SDC1: variants seen among roughly 807,000 people sequenced by gnomAD.
SDC1 encodes the protein syndecan 1, also known as syndecan-1.
Under a neutral mutation model 29.7 loss-of-function variants are expected in SDC1, and 14 were observed. The ratio of observed to expected loss-of-function variants is 0.47; its 90% confidence interval spans 0.31 to 0.74. SDC1 has a LOEUF of 0.74. Ranked by LOEUF, SDC1 falls within the 30% of genes least tolerant of loss-of-function variation. The pLI is 0.05. For missense variants in SDC1, 406 were observed against 400.3 expected (o/e 1.01, Z -0.12); for synonymous variants, 204 against 175.5 (o/e 1.16, Z -1.29).
At position 20,203,890 on chromosome 2, in the gene SDC1, C is replaced by T; in HGVS notation, c.550G>A (p.Gly184Ser). Reference sequence around the variant, plus strand: ...GCAGCCCTCTCGGTGGCAGAAGGACCTCCATCCTCTGTGTGGGGAGTGTGA... The same window carrying T: ...GCAGCCCTCTCGGTGGCAGAAGGACTTCCATCCTCTGTGTGGGGAGTGTGA... ...DLHTPHTEDG[G>S]PSATERAAED... The change falls in exon 3 of 5, where the codon GGT (glycine) becomes AGT (serine). Residue 184 changes from glycine to serine, a missense_variant. Transcript: ENST00000254351. 3 of 1,613,056 alleles carry T rather than the reference C, an allele frequency of 1.9e-6. No individual in the cohort carries two copies. Among genetic ancestry groups the T allele is most frequent in the Non-Finnish European group, 2.5e-6 (3 of 1,179,664 alleles).
At chr2:20,217,472 A>T (rs950708126) in intron 1 of SDC1, among the ~76,000 whole-genome samples, 2 of 152,160 alleles carry the variant, frequency 1.3e-5, no homozygotes, top group African/African-American at 2.4e-5. Context: ...CACAGCCACA[A>T]GAGGCCATGC....
chr2:20,202,637 C>T lies in SDC1; in HGVS notation c.*129G>A, dbSNP rs546126029. 92 of 903,524 alleles carry T rather than the reference C, an allele frequency of 1.0e-4. No individual in the cohort carries two copies. The African/African-American group carries it at 1.1e-3, about 11-fold the overall frequency. The allele number at this position is 903,524 out of a possible 1,614,324, so 56.0% of individuals were successfully genotyped here. ...CACCCCACGACTCCGTGGGCAGGAG[C>T]GACCAGAGGGGCTGGAATGCTGGGG... On this transcript the variant is annotated 3_prime_UTR_variant, in exon 5 of 5. Coordinates refer to ENST00000254351, the MANE Select transcript of SDC1 (RefSeq NM_002997.5).
rs1296597375 is a variant in SDC1 at position 20,204,194 on chromosome 2, G to A, written c.246C>T (p.Gly82=). 1.9e-6 allele frequency: 3 copies of A among 1,599,640 alleles called. No homozygotes were observed. The highest frequency in any genetic ancestry group is 2.5e-6 in the Non-Finnish European group (3 of 1,179,812). The change falls in exon 3 of 5, where the codon GGC becomes GGT. Residue 82 remains glycine (G), a synonymous_variant. Transcript: ENST00000254351. The part of the protein sequence containing the change: ...TAIPTSPEPT[G]LEATAASTST... The stretch of plus-strand genomic sequence containing the variant: ...AGGTGGAGGCAGCTGTAGCCTCCAG[G>A]CCGGTGGGTTCTGGAGACGTGGGAA...
intron 1 of SDC1, among the ~76,000 whole-genome samples, chr2:20,221,072 A>G (rs1355472433): frequency 1.3e-5 from 2 of 152,112 alleles, no homozygotes; most frequent in East Asian, 3.9e-4. Context: ...TAAAGGCCTC[A>G]CCTTGGCAGC....
intron 3 of SDC1, 94 bp downstream of exon 3, chr2:20,203,719 C>T (rs550219960): frequency 1.1e-4 from 107 of 941,872 alleles, no homozygotes; most frequent in Non-Finnish European, 1.6e-4. Flanking sequence ...GTGAGGAATA[C>T]GAGATGCCCG....
chr2:20,204,426 C>G, intron 2 of SDC1, 135 bp from the exon 3 acceptor site: 1 of 664,456 alleles, frequency 1.5e-6, no homozygotes, highest in Admixed American at 2.4e-5. Context: ...AGGCTAGTAC[C>G]TGGACAAGGC....
chr2:20,213,288 A>AC (rs1006307341), intron 1 of SDC1, among the ~76,000 whole-genome samples: 1 of 151,886 alleles, frequency 6.6e-6, no homozygotes, highest in Non-Finnish European at 1.5e-5. Flanking sequence ...CCCTGGCAAA[A>AC]CCCGGGCCAG....
intron 1 of SDC1, among the ~76,000 whole-genome samples, chr2:20,216,859 C>T (rs973462094): frequency 2.0e-5 from 3 of 152,228 alleles, no homozygotes; most frequent in African/African-American, 4.8e-5. Context: ...CCAGGCCAGG[C>T]GCCAGAGTTC....
At chr2:20,211,863 G>A (rs1677476758) in intron 1 of SDC1, among the ~76,000 whole-genome samples, 1 of 150,870 alleles carries the variant, frequency 6.6e-6, no homozygotes, top group South Asian at 2.1e-4. Context: ...CCTCTGTGGG[G>A]AGCCCTGTGA....
intron 1 of SDC1, among the ~76,000 whole-genome samples, chr2:20,206,957 G>C (rs1186617399): frequency 6.6e-6 from 1 of 152,352 alleles, no homozygotes; most frequent in East Asian, 1.9e-4. Flanking sequence ...GAGAAGACGG[G>C]GGCAGGAAGA....
In SDC1 at chr2:20,205,381, G is replaced by T; in HGVS notation, c.110C>A (p.Ser37Tyr). 2 of 1,614,132 alleles carry T rather than the reference G, an allele frequency of 1.2e-6. No homozygotes were observed. Among genetic ancestry groups the T allele is most frequent in the African/African-American group, 1.3e-5 (1 of 75,060 alleles). Residue 37 changes from serine to tyrosine, a missense_variant, in exon 2 of 5, where the codon TCT becomes TAT. Ser to Tyr is a moderately radical substitution (Grantham distance 144). Transcript: ENST00000254351. ...TNLPPEDQDG[S>Y]GDDSDNFSGS... is the part of the protein sequence containing the mutation. Reference sequence around the variant, plus strand: ...GGAGAAGTTGTCAGAGTCATCCCCAGAGCCATCTTGATCTTCAGGGGGCAA... The same window carrying T: ...GGAGAAGTTGTCAGAGTCATCCCCATAGCCATCTTGATCTTCAGGGGGCAA...
At position 20,225,032 on chromosome 2, in the gene SDC1, G is replaced by T; in HGVS notation, c.-165C>A. On this transcript the variant is annotated 5_prime_UTR_variant, in exon 1 of 5. Transcript: ENST00000254351. ...CGGCTGGAGTCCGCTCTCTACTGCC[G>T]GATTCCTCTCCGCTCGGCTCGGATT... 1.2e-6 allele frequency: 1 copy of T among 848,998 alleles called. No individual in the cohort carries two copies. The highest frequency in any genetic ancestry group is 1.5e-6 in the Non-Finnish European group (1 of 656,752). The allele number at this position is 848,998 out of a possible 1,614,324, so 52.6% of individuals were successfully genotyped here. A position where few individuals can be genotyped will look rare whatever the true frequency, so the allele number is the denominator to read the frequency against.
chr2:20,202,460 G>A lies in SDC1; in HGVS notation c.*306C>T, dbSNP rs1236210470. Reference sequence around the variant, plus strand: ...TCGGATCCCCCTCCCCTCCAGAGCTGGACCTGGGGAGAGGCTGCTTCAGTT... The same window carrying A: ...TCGGATCCCCCTCCCCTCCAGAGCTAGACCTGGGGAGAGGCTGCTTCAGTT... On this transcript the variant is annotated 3_prime_UTR_variant, in exon 5 of 5. Coordinates refer to ENST00000254351, the MANE Select transcript of SDC1 (RefSeq NM_002997.5). The A allele has an allele frequency of 5.0e-6, 3 of 594,156 alleles. No individual in the cohort carries two copies. Among genetic ancestry groups the A allele is most frequent in the East Asian group, 2.9e-5 (1 of 35,074 alleles). The allele number at this position is 594,156 out of a possible 1,614,324, so 36.8% of individuals were successfully genotyped here.
In SDC1 at chr2:20,202,496, G is replaced by A. The variant is rs1677051688; in HGVS notation, c.*270C>T. 11 of 591,466 alleles carry A rather than the reference G, an allele frequency of 1.9e-5. 1 individual carries two copies. Among genetic ancestry groups the A allele is most frequent in the East Asian group, 1.1e-4 (4 of 35,442 alleles). 36.6% of individuals were successfully genotyped at this position (591,466 alleles called of 1,614,324 possible). A position where few individuals can be genotyped will look rare whatever the true frequency, so the allele number is the denominator to read the frequency against. On this transcript the variant is annotated 3_prime_UTR_variant, in exon 5 of 5. Transcript: ENST00000254351. Reference sequence around the variant, plus strand: ...GAGGCTGCTTCAGTTTGGAGAAACCGAGTCAGAATGGTGCGATGCCAGGTG... The same window carrying A: ...GAGGCTGCTTCAGTTTGGAGAAACCAAGTCAGAATGGTGCGATGCCAGGTG...
At position 20,224,407 on chromosome 2, in the gene SDC1, G is replaced by C. The variant is rs1677924920; in HGVS notation, c.66+395C>G. The C allele has an allele frequency of 6.6e-6, 1 of 152,548 alleles. No individual in the cohort carries two copies. The highest frequency in any genetic ancestry group is 2.1e-4 in the South Asian group (1 of 4,848). 9.4% of individuals were successfully genotyped at this position (152,548 alleles called of 1,614,324 possible). ...CTGGTTTGAATTAGGGTCTGCAGGG[G>C]GGGCGTTGTGGCCGCGGTCACTGCA... On this transcript the variant is annotated intron_variant, in intron 1 of 4. Coordinates refer to ENST00000254351, the MANE Select transcript of SDC1 (RefSeq NM_002997.5). The surrounding 1 kb of genome is among the most constrained non-coding windows in gnomAD (Gnocchi z 4.9).
chr2:20,224,746 G>C lies in SDC1; in HGVS notation c.66+56C>G. ...TCCACGTGCACCCGCCGGCATCCGC[G>C]GGTGACCAGTCCCGGCTTCCCGCCG... On this transcript the variant is annotated intron_variant, in intron 1 of 4. Transcript: ENST00000254351. The surrounding 1 kb of genome is among the most constrained non-coding windows in gnomAD (Gnocchi z 4.9). 1 of 1,273,854 alleles carries C rather than the reference G, an allele frequency of 7.9e-7. No individual in the cohort carries two copies. Among genetic ancestry groups the C allele is most frequent in the Non-Finnish European group, 9.9e-7 (1 of 1,008,716 alleles). The allele number at this position is 1,273,854 out of a possible 1,614,324, so 78.9% of individuals were successfully genotyped here.
At position 20,216,409 on chromosome 2, in the gene SDC1, C is replaced by T. The variant is rs562216190; in HGVS notation, c.66+8393G>A. ...ACCATCACAGCAGCACTGCACCCTG[C>T]GGTTTTCTCTGGGAGAAGCTGGAAT... On this transcript the variant is annotated intron_variant, in intron 1 of 4. Transcript: ENST00000254351. 1.4e-4 allele frequency among the ~76,000 whole-genome samples: 21 copies of T among 152,308 alleles called. 1 individual carries two copies. Among genetic ancestry groups the T allele is most frequent in the African/African-American group, 4.6e-4 (19 of 41,572 alleles).
At chr2:20,213,697 C>A (rs986066699) in intron 1 of SDC1, among the ~76,000 whole-genome samples, 2 of 152,234 alleles carry the variant, frequency 1.3e-5, no homozygotes, top group Non-Finnish European at 2.9e-5. Flanking sequence ...AGAAGCCCAG[C>A]CCTGTCAGTC....
In SDC1 at chr2:20,200,797, T is replaced by A. The variant is rs1353031382; in HGVS notation, c.*1969A>T. On this transcript the variant is annotated 3_prime_UTR_variant, in exon 5 of 5. Coordinates refer to ENST00000254351, the MANE Select transcript of SDC1 (RefSeq NM_002997.5). ...GACTCAACCACCACCACAGCAGCTG[T>A]TGCCCGAAATGACAAGTACCGTTTA... 6.6e-6 allele frequency: 1 copy of A among 152,216 alleles called. No individual in the cohort carries two copies. The highest frequency in any genetic ancestry group is 1.5e-5 in the Non-Finnish European group (1 of 68,062). The allele number at this position is 152,216 out of a possible 1,614,324, so 9.4% of individuals were successfully genotyped here.
Sources: gnomAD v4.1 joint callset for allele counts (sites outside exome capture counted in the v4.1 genomes callset) on GRCh38, gnomAD v4.1.1 for gene constraint, Gnocchi (gnomAD v3.1) non-coding constraint, MANE v1.5 for transcripts, NCBI Gene and HGNC (gene_info 2026-07-23, HGNC 2026-07-21) for gene names.